Variants in FGD5 observed in about 807,000 individuals in gnomAD.
FGD5 encodes FYVE, RhoGEF and PH domain-containing protein 5.
In FGD5, 28 loss-of-function variants were observed where a neutral mutation model predicts 133.4. That is an observed-to-expected ratio of 0.21 (90% confidence interval 0.16 to 0.29). The LOEUF (loss-of-function observed/expected upper bound fraction) is 0.29. Ranked by LOEUF, FGD5 falls within the 10% of genes least tolerant of loss-of-function variation. The pLI, the probability that FGD5 is intolerant of heterozygous loss-of-function variation, is 1.00. For missense variants in FGD5, 1,858 were observed against 1,895.2 expected, an observed-to-expected ratio of 0.98 and a Z score of 0.36; for synonymous variants, 810 against 776.5, an observed-to-expected ratio of 1.04 and a Z score of -0.72.
intron 1 of FGD5, among the ~76,000 whole-genome samples, chr3:14,846,031 G>T (rs969351739): frequency 6.6e-6 from 1 of 152,136 alleles, no homozygotes; most frequent in African/African-American, 2.4e-5. Context: ...GTGGTTTATT[G>T]ACATAAAAGT....
intron 9 of FGD5, among the ~76,000 whole-genome samples, chr3:14,902,214 G>A (rs374488667): frequency 6.6e-6 from 1 of 150,866 alleles, no homozygotes; most frequent in Non-Finnish European, 1.5e-5. Context: ...CCTGGGAGGC[G>A]AAGGTTGCAG....
chr3:14,896,405 C>T (rs1286012465), intron 4 of FGD5, among the ~76,000 whole-genome samples: 1 of 152,150 alleles, frequency 6.6e-6, no homozygotes, highest in Non-Finnish European at 1.5e-5. Flanking sequence ...GTTTTAGTCT[C>T]CAAGTCAGCA....
intron 1 of FGD5, 84 bp downstream of exon 1, chr3:14,821,680 C>T: frequency 7.0e-7 from 1 of 1,437,384 alleles, no homozygotes; most frequent in Non-Finnish European, 9.1e-7. Context: ...GATGGACTTG[C>T]TTTCCAGCCT....
At chr3:14,879,897 T>A (rs1466066951) in intron 2 of FGD5, among the ~76,000 whole-genome samples, 1 of 151,956 alleles carries the variant, frequency 6.6e-6, no homozygotes, top group Non-Finnish European at 1.5e-5. Flanking sequence ...AAGAGAGAAT[T>A]CCTCAGTACA....
chr3:14,895,127 A>G (rs1239143533), intron 4 of FGD5, among the ~76,000 whole-genome samples: 2 of 152,162 alleles, frequency 1.3e-5, no homozygotes, highest in African/African-American at 4.8e-5. Context: ...TCAGATGAAT[A>G]GGTTGTACGT....
chr3:14,926,222 C>A (rs1466750866), intron 18 of FGD5, 24 bp downstream of exon 18: 2 of 1,611,340 alleles, frequency 1.2e-6, no homozygotes, highest in African/African-American at 2.7e-5. Context: ...GCACTCTCTC[C>A]CCTCTCCTCT....
chr3:14,836,802 G>A (rs2036825802), intron 1 of FGD5, among the ~76,000 whole-genome samples: 1 of 152,140 alleles, frequency 6.6e-6, no homozygotes, highest in East Asian at 1.9e-4. Context: ...AGGAAAGTGA[G>A]CAATATTCTG....
At position 14,917,154 on chromosome 3, in the gene FGD5, C is replaced by T. The variant is rs2038572805; in HGVS notation, c.3406-95C>T. The T allele has an allele frequency of 9.0e-7, 1 of 1,116,330 alleles. No individual in the cohort carries two copies. 69.2% of individuals were successfully genotyped at this position (1,116,330 alleles called of 1,614,324 possible). ...GGGGGTTACTGAGGAATACAAGATG[C>T]CTGTGCACAGCGGAGCTCAGGGATC... On this transcript the variant is annotated intron_variant, in intron 11 of 19. Transcript: ENST00000285046. This position sits in a 1 kb window ranked among gnomAD's most constrained non-coding sequence, Gnocchi z 4.1.
chr3:14,864,653 C>A (rs17040416), intron 2 of FGD5, among the ~76,000 whole-genome samples: 14,185 of 152,244 alleles, frequency 0.093, 828 homozygotes, highest in East Asian at 0.3. Flanking sequence ...TAAAGGCTAT[C>A]AGGGAATTTT....
chr3:14,832,748 G>T (rs149071315), intron 1 of FGD5, among the ~76,000 whole-genome samples: 1 of 152,200 alleles, frequency 6.6e-6, no homozygotes, highest in African/African-American at 2.4e-5. Context: ...TGTCAAATAA[G>T]GGTACACAGT....
intron 2 of FGD5, among the ~76,000 whole-genome samples, chr3:14,872,531 G>A (rs1022832226): frequency 6.6e-6 from 1 of 152,230 alleles, no homozygotes; most frequent in Non-Finnish European, 1.5e-5. Flanking sequence ...TATGCTTGCA[G>A]GGGTGGACAA....
intron 1 of FGD5, among the ~76,000 whole-genome samples, chr3:14,856,098 G>A (rs1433744580): frequency 2.6e-5 from 4 of 151,988 alleles, no homozygotes; most frequent in African/African-American, 4.8e-5. Context: ...TCTACATATG[G>A]ATATTCAGTT....
chr3:14,843,892 G>A (rs151311221), intron 1 of FGD5, among the ~76,000 whole-genome samples: 7 of 151,100 alleles, frequency 4.6e-5, no homozygotes, highest in East Asian at 2.0e-4. Context: ...ATGGGTTTTC[G>A]CCATGTTGGC....
chr3:14,918,731 G>A (rs1255948264), intron 12 of FGD5, 23 bp from the exon 13 acceptor site: 1 of 1,611,454 alleles, frequency 6.2e-7, no homozygotes, highest in South Asian at 1.1e-5. Context: ...CCACCCTGAA[G>A]GAGGCTGCTG....
Position 14,922,983 on chromosome 3 carries a change from A to AG in FGD5, c.3808-59dup, listed in dbSNP as rs2038716443. 2 of 1,605,620 alleles carry AG rather than the reference A, an allele frequency of 1.2e-6. No individual in the cohort carries two copies. The highest frequency in any genetic ancestry group is 1.7e-4 in the Middle Eastern group (1 of 6,032). On this transcript the variant is annotated intron_variant, in intron 15 of 19. Transcript: ENST00000285046. The surrounding 1 kb of genome is among the most constrained non-coding windows in gnomAD (Gnocchi z 4.1). ...TGGATTAGCAGAGGGAGCGGAGGGG[A>AG]GGGGTGCAGGTCTCCTTTGCATGCA...
intron 1 of FGD5, among the ~76,000 whole-genome samples, chr3:14,853,986 T>G (rs2037221101): frequency 6.6e-6 from 1 of 151,856 alleles, no homozygotes; most frequent in Non-Finnish European, 1.5e-5. Context: ...GCGGGGGGTT[T>G]AGAATTTGGC....
chr3:14,922,966 C>A lies in FGD5; in HGVS notation c.3808-80C>A, dbSNP rs1318897737. ...CTAGGGGCAGTTGTGGGTGGATTAGCAGAGGGAGCGGAGGGGAGGGGTGCA... is the reference window on the plus strand; with the variant it reads ...CTAGGGGCAGTTGTGGGTGGATTAGAAGAGGGAGCGGAGGGGAGGGGTGCA... On this transcript the variant is annotated intron_variant, in intron 15 of 19. Transcript: ENST00000285046. This position sits in a 1 kb window ranked among gnomAD's most constrained non-coding sequence, Gnocchi z 4.1. 2 of 1,590,266 alleles carry A rather than the reference C, an allele frequency of 1.3e-6. No individual in the cohort carries two copies. Among genetic ancestry groups the A allele is most frequent in the Admixed American group, 1.7e-5 (1 of 59,606 alleles).
Position 14,922,586 on chromosome 3 carries a change from G to T in FGD5, c.3807+38G>T. On this transcript the variant is annotated intron_variant, in intron 15 of 19. Transcript: ENST00000285046. This position sits in a 1 kb window ranked among gnomAD's most constrained non-coding sequence, Gnocchi z 4.1. ...ATCTGGGGTGAGTGTGTGCATGGGG[G>T]TGGGGTGGGGGAAGGGCATGTCCCT... The T allele has an allele frequency of 1.9e-6, 3 of 1,549,514 alleles. No homozygotes were observed. The highest frequency in any genetic ancestry group is 1.9e-5 in the Admixed American group (1 of 52,386).
Position 14,821,333 on chromosome 3 carries a change from G to C in FGD5, c.2262G>C (p.Leu754=), listed in dbSNP as rs755055297. ...AAGACCGCTCCCGGCCGCCCTTCCT[G>C]CCCTTGCCACTGACCAAGCCACGGT... ...SFEDRSRPPF[L]PLPLTKPRSI... Residue 754 remains leucine, a synonymous_variant, in exon 1 of 20, where the codon CTG becomes CTC. Transcript: ENST00000285046. 1 of 1,613,920 alleles carries C rather than the reference G, an allele frequency of 6.2e-7. No homozygotes were observed. The highest frequency in any genetic ancestry group is 1.7e-5 in the Admixed American group (1 of 60,010).
Sources: gnomAD v4.1 joint callset for allele counts (sites outside exome capture counted in the v4.1 genomes callset) on GRCh38, gnomAD v4.1.1 for gene constraint, Gnocchi (gnomAD v3.1) non-coding constraint, MANE v1.5 for transcripts, NCBI Gene and HGNC (gene_info 2026-07-23, HGNC 2026-07-21) for gene names.